PCDHGB1: variants seen among roughly 807,000 people sequenced by gnomAD.
The protein encoded by PCDHGB1 is protocadherin gamma subfamily B, 1.
A neutral mutation model predicts 56.6 loss-of-function variants in PCDHGB1; 34 were observed. The observed-to-expected ratio is 0.60, with a 90% CI of 0.46 to 0.80. PCDHGB1 has a LOEUF of 0.80. Among genes scored for constraint, PCDHGB1 ranks in the 30% least tolerant of loss-of-function variants. PCDHGB1 has a pLI of 0.00. For synonymous variants in PCDHGB1, 561 were observed against 505.9 expected, an observed-to-expected ratio of 1.11 and a Z score of -1.46; for missense variants, 1,278 against 1,204.6, an observed-to-expected ratio of 1.06 and a Z score of -0.90.
chr5:141,401,730 T>C (rs1448734124), intron 1 of PCDHGB1, among the ~76,000 whole-genome samples: 4 of 152,204 alleles, frequency 2.6e-5, no homozygotes, highest in African/African-American at 4.8e-5. Context: ...ACTACTAGTC[T>C]TGTGTACATA....
intron 1 of PCDHGB1, chr5:141,478,106 G>T: frequency 6.2e-7 from 1 of 1,614,046 alleles, no homozygotes; most frequent in Non-Finnish European, 8.5e-7. Flanking sequence ...TACCCTCACT[G>T]TGTCAGTAAC....
rs1460389320 is a variant in PCDHGB1 at position 141,490,134 on chromosome 5, C to T, written c.2410-4673C>T. The T allele has an allele frequency of 2.5e-6, 4 of 1,614,114 alleles. No homozygotes were observed. Among genetic ancestry groups the T allele is most frequent in the Admixed American group, 3.3e-5 (2 of 59,998 alleles). ...GGAACCTCTTTGGCCTAGACCCTAG[C>T]AGTGGGGCAATCCATGTGTTGGGTC... On this transcript the variant is annotated intron_variant, in intron 1 of 3. Coordinates refer to ENST00000523390, the MANE Select transcript of PCDHGB1 (RefSeq NM_018922.3). This position sits in a 1 kb window ranked among gnomAD's most constrained non-coding sequence, Gnocchi z 5.4.
At chr5:141,506,955 C>G (rs1387377785) in intron 3 of PCDHGB1, 1 of 152,244 alleles carries the variant, frequency 6.6e-6, no homozygotes, top group Non-Finnish European at 1.5e-5. Context: ...AATGAATCCT[C>G]TCAATAGCTC....
rs1488305057 is a variant in PCDHGB1, at chr5:141,477,736, C to G, written c.2410-17071C>G. 6.2e-7 allele frequency: 1 copy of G among 1,613,790 alleles called. No homozygotes were observed. The highest frequency in any genetic ancestry group is 1.1e-5 in the South Asian group (1 of 91,088). On this transcript the variant is annotated intron_variant, in intron 1 of 3. Coordinates refer to ENST00000523390, the MANE Select transcript of PCDHGB1 (RefSeq NM_018922.3). This position sits in a 1 kb window ranked among gnomAD's most constrained non-coding sequence, Gnocchi z 4.9. ...AATTTGAATTAACAGCTCATATCAG[C>G]GATGGGGGCACCCCGGTCCTAGCCA...
In PCDHGB1 at chr5:141,489,873, G is replaced by A. The variant is rs1252665956; in HGVS notation, c.2410-4934G>A. The A allele has an allele frequency of 4.3e-6, 7 of 1,614,224 alleles. No homozygotes were observed. The highest frequency in any genetic ancestry group is 5.9e-6 in the Non-Finnish European group (7 of 1,180,030). On this transcript the variant is annotated intron_variant, in intron 1 of 3. Coordinates refer to ENST00000523390, the MANE Select transcript of PCDHGB1 (RefSeq NM_018922.3). The surrounding 1 kb of genome is among the most constrained non-coding windows in gnomAD (Gnocchi z 4.5). Reference sequence around the variant, plus strand: ...AAGCCCAGGCAAGACATCAGCTGGTGCTTACTGCTGTGGATGGGGGGACCC... The same window carrying A: ...AAGCCCAGGCAAGACATCAGCTGGTACTTACTGCTGTGGATGGGGGGACCC...
chr5:141,483,013 A>C (rs2154579792), intron 1 of PCDHGB1, among the ~76,000 whole-genome samples: 1 of 152,106 alleles, frequency 6.6e-6, no homozygotes, highest in Middle Eastern at 3.4e-3. Flanking sequence ...TGAACCCGGG[A>C]GGCAGAGGTT....
intron 3 of PCDHGB1, among the ~76,000 whole-genome samples, chr5:141,509,568 C>T (rs535982453): frequency 3.3e-5 from 5 of 152,336 alleles, no homozygotes; most frequent in Admixed American, 2.0e-4. Flanking sequence ...GCAGCCTTCA[C>T]AGTGCGTACA....
intron 1 of PCDHGB1, chr5:141,399,809 C>A (rs547922730): frequency 1.2e-6 from 2 of 1,613,222 alleles, no homozygotes; most frequent in Admixed American, 1.7e-5. Flanking sequence ...GTGCTGTACC[C>A]CGCGCTGGGT....
At chr5:141,454,483 C>T (rs1434684795) in intron 1 of PCDHGB1, among the ~76,000 whole-genome samples, 9 of 151,684 alleles carry the variant, frequency 5.9e-5, no homozygotes, top group African/African-American at 9.7e-5. Flanking sequence ...CTCAGCTCAC[C>T]GCAACCTCCA....
At chr5:141,410,351 C>G in intron 1 of PCDHGB1, 1 of 1,614,066 alleles carries the variant, frequency 6.2e-7, no homozygotes. Flanking sequence ...GCGCCTGCGA[C>G]GCTCTCTCAG....
At chr5:141,450,006 CTTT>C (rs1554136305) in intron 1 of PCDHGB1, among the ~76,000 whole-genome samples, 9 of 132,974 alleles carry the variant, frequency 6.8e-5, no homozygotes, top group Admixed American at 7.8e-5. Context: ...TGCCATGTCT[CTTT>C]TTTTTTTTTT....
intron 1 of PCDHGB1, among the ~76,000 whole-genome samples, chr5:141,447,975 A>G (rs1352829510): frequency 6.6e-6 from 1 of 151,928 alleles, no homozygotes; most frequent in Non-Finnish European, 1.5e-5. Flanking sequence ...AATCCCAGCT[A>G]CTCGGGAGGC....
At position 141,485,133 on chromosome 5, in the gene PCDHGB1, C is replaced by A; in HGVS notation, c.2410-9674C>A. On this transcript the variant is annotated intron_variant, in intron 1 of 3. Transcript: ENST00000523390. The surrounding 1 kb of genome is among the most constrained non-coding windows in gnomAD (Gnocchi z 5.7). Reference sequence around the variant, plus strand: ...GCTGTTTGGGGCGGGTCGGCTTCATCCGCGTCTCAGGAGCAAGTAGAGAAT... The same window carrying A: ...GCTGTTTGGGGCGGGTCGGCTTCATACGCGTCTCAGGAGCAAGTAGAGAAT... The A allele has an allele frequency of 2.7e-6, 4 of 1,492,492 alleles. No homozygotes were observed. The highest frequency in any genetic ancestry group is 1.7e-5 in the Admixed American group (1 of 58,334). The allele number at this position is 1,492,492 out of a possible 1,614,324, so 92.5% of individuals were successfully genotyped here.
At chr5:141,458,064 C>T (rs886724551) in intron 1 of PCDHGB1, among the ~76,000 whole-genome samples, 14 of 152,104 alleles carry the variant, frequency 9.2e-5, no homozygotes, top group East Asian at 3.9e-4. Context: ...TGCACTGATG[C>T]GAACAACTAT....
intron 1 of PCDHGB1, chr5:141,364,225 G>T (rs1763227856): frequency 2.9e-6 from 4 of 1,362,414 alleles, no homozygotes; most frequent in Non-Finnish European, 3.9e-6. Flanking sequence ...AAAAGCCAAC[G>T]CTCCACGCCC....
chr5:141,357,704 T>C (rs745493003), intron 1 of PCDHGB1: 63 of 1,496,340 alleles, frequency 4.2e-5, no homozygotes, highest in Non-Finnish European at 5.5e-5. Flanking sequence ...ATATGTAATA[T>C]ATCAAATAAA....
rs1382764259 is a variant in PCDHGB1 at position 141,478,383 on chromosome 5, T to G, written c.2410-16424T>G. 2.5e-6 allele frequency: 4 copies of G among 1,613,630 alleles called. No individual in the cohort carries two copies. In the Admixed American group the frequency reaches 6.7e-5, roughly 27 times the overall value. Reference sequence around the variant, plus strand: ...CGGGGAGGCCTGATGTCGCCGCACCTTTACCATCAGGTGTATCTCACCACG... The same window carrying G: ...CGGGGAGGCCTGATGTCGCCGCACCGTTACCATCAGGTGTATCTCACCACG... On this transcript the variant is annotated intron_variant, in intron 1 of 3. Coordinates refer to ENST00000523390, the MANE Select transcript of PCDHGB1 (RefSeq NM_018922.3).
Position 141,476,540 on chromosome 5 carries a change from T to C in PCDHGB1, c.2410-18267T>C, listed in dbSNP as rs148362631. On this transcript the variant is annotated intron_variant, in intron 1 of 3. Coordinates refer to ENST00000523390, the MANE Select transcript of PCDHGB1 (RefSeq NM_018922.3). The surrounding 1 kb of genome is among the most constrained non-coding windows in gnomAD (Gnocchi z 7.6). Reference sequence around the variant, plus strand: ...TGCTTTCCCTACCCAGGAAATGAAATTGGAGATTAGCGAGGCCGTGGCTCC... The same window carrying C: ...TGCTTTCCCTACCCAGGAAATGAAACTGGAGATTAGCGAGGCCGTGGCTCC... 9.4e-5 allele frequency: 151 copies of C among 1,614,122 alleles called. 1 individual carries two copies. In the African/African-American group the frequency reaches 1.3e-3, roughly 14 times the overall value.
intron 1 of PCDHGB1, chr5:141,357,591 A>C (rs1760669950): frequency 6.8e-6 from 11 of 1,614,152 alleles, no homozygotes; most frequent in Non-Finnish European, 9.3e-6. Flanking sequence ...CTCAGGATTT[A>C]CTTGAAACAA....
Sources: allele counts gnomAD v4.1 joint callset (sites outside exome capture counted in the v4.1 genomes callset), GRCh38; gene constraint gnomAD v4.1.1; non-coding constraint Gnocchi (gnomAD v3.1); transcripts MANE v1.5; gene names NCBI Gene and HGNC (gene_info 2026-07-23, HGNC 2026-07-21).